The following NUP188 variants were observed in gnomAD, a reference collection of about 807,000 sequenced individuals.
NUP188 encodes the protein nucleoporin 188.
A neutral mutation model predicts 223.0 loss-of-function variants in NUP188; 97 were observed. The observed-to-expected ratio is 0.43, with a 90% CI of 0.37 to 0.51. The LOEUF is 0.51. NUP188 is among the 20% of genes least tolerant of loss of function. NUP188 has a pLI of 0.00. For missense variants in NUP188, 1,947 were observed against 2,175.6 expected (o/e 0.89, Z 2.09); for synonymous variants, 869 against 828.0 (o/e 1.05, Z -0.85).
At position 129,006,649 on chromosome 9, in the gene NUP188, C is replaced by T. The variant is rs1051556326; in HGVS notation, c.5221C>T (p.Gln1741Ter). Residue 1741 changes from glutamine to a stop codon, truncating the protein, a stop_gained, in exon 44 of 44, where the codon CAG becomes TAG. Coordinates refer to ENST00000372577, the MANE Select transcript of NUP188 (RefSeq NM_015354.3). LOFTEE classifies it high-confidence loss of function. ...TCAGGAGCCTCTGATCCAGTTGGTG[C>T]AGGCGTTTGTCCGGCATATGCAAAG... is the stretch of plus-strand genomic sequence containing the variant. ...ESQEPLIQLV[Q>*]AFVRHMQR The T allele has an allele frequency of 6.2e-7, 1 of 1,613,998 alleles. No individual in the cohort carries two copies. Among genetic ancestry groups the T allele is most frequent in the Non-Finnish European group, 8.5e-7 (1 of 1,180,008 alleles).
chr9:128,998,365 C>T (rs1360726881), intron 31 of NUP188, 137 bp downstream of exon 31: 1 of 1,000,712 alleles, frequency 1.0e-6, no homozygotes, highest in Non-Finnish European at 1.6e-6. Flanking sequence ...AGGCCTGAGA[C>T]TGTAGTGGGT....
intron 8 of NUP188, among the ~76,000 whole-genome samples, chr9:128,960,253 T>G (rs1358471215): frequency 1.3e-5 from 2 of 150,060 alleles, no homozygotes; most frequent in African/African-American, 5.0e-5. Context: ...GTTTTTTTTG[T>G]TTTTTGTTTT....
chr9:128,956,938 T>C lies in NUP188; in HGVS notation c.247-14T>C. On this transcript the variant is annotated splice_polypyrimidine_tract_variant and intron_variant, in intron 4 of 43. Transcript: ENST00000372577. Reference sequence around the variant, plus strand: ...TTTCTGAGCTGTTCCTTACTTAAAATCTCTGTGTTTCAGGGTCTTGATGAA... The same window carrying C: ...TTTCTGAGCTGTTCCTTACTTAAAACCTCTGTGTTTCAGGGTCTTGATGAA... 8 of 1,591,454 alleles carry C rather than the reference T, an allele frequency of 5.0e-6. No homozygotes were observed. Among genetic ancestry groups the C allele is most frequent in the Non-Finnish European group, 6.9e-6 (8 of 1,165,566 alleles).
At chr9:128,950,833 C>A (rs1365872173) in intron 2 of NUP188, among the ~76,000 whole-genome samples, 1 of 152,014 alleles carries the variant, frequency 6.6e-6, no homozygotes. Context: ...CTCAAAAAAG[C>A]AAAAAGCTTT....
intron 12 of NUP188, among the ~76,000 whole-genome samples, chr9:128,978,336 G>A (rs1842207246): frequency 6.6e-6 from 1 of 151,976 alleles, no homozygotes; most frequent in Non-Finnish European, 1.5e-5. Flanking sequence ...GGCTGAGGCG[G>A]GCGGATCACG....
In NUP188 at chr9:129,001,093, T is replaced by G. The variant is rs183860865; in HGVS notation, c.3844-436T>G. Among the ~76,000 whole-genome samples the G allele has an allele frequency of 7.9e-5, 12 of 152,212 alleles. No homozygotes were observed. The East Asian group carries it at 2.3e-3, about 29-fold the overall frequency. On this transcript the variant is annotated intron_variant, in intron 34 of 43. Coordinates refer to ENST00000372577, the MANE Select transcript of NUP188 (RefSeq NM_015354.3). ...GCCAAAAAGAAGGTTGAAAGGCCACTGGTACAAGGATAGATTAGAGAGGAT... is the reference window on the plus strand; with the variant it reads ...GCCAAAAAGAAGGTTGAAAGGCCACGGGTACAAGGATAGATTAGAGAGGAT...
intron 1 of NUP188, 52 bp downstream of exon 1, chr9:128,947,803 C>A (rs373763833): frequency 2.8e-4 from 375 of 1,342,052 alleles, no homozygotes; most frequent in African/African-American, 2.5e-3. Flanking sequence ...GGTGTCAAAG[C>A]CGAGCGGAAG....
intron 25 of NUP188, among the ~76,000 whole-genome samples, chr9:128,991,871 T>C (rs1277062591): frequency 6.6e-6 from 1 of 151,210 alleles, no homozygotes; most frequent in African/African-American, 2.4e-5. Flanking sequence ...ACTTTTGTTC[T>C]TGATAAAAGC....
chr9:128,964,799 G>A (rs759651839), intron 8 of NUP188, among the ~76,000 whole-genome samples: 9 of 150,380 alleles, frequency 6.0e-5, no homozygotes, highest in African/African-American at 2.2e-4. Context: ...TCTGCCTCCC[G>A]GGTTCAAGGG....
chr9:128,988,955 A>G (rs1285413007), intron 24 of NUP188, among the ~76,000 whole-genome samples: 1 of 151,860 alleles, frequency 6.6e-6, no homozygotes, highest in Non-Finnish European at 1.5e-5. Flanking sequence ...AGCTTTCGCT[A>G]TGTTGGCCAG....
At chr9:128,980,857 A>G in intron 14 of NUP188, 132 bp downstream of exon 14, 2 of 849,322 alleles carry the variant, frequency 2.4e-6, no homozygotes, top group Non-Finnish European at 3.6e-6. Flanking sequence ...AATGAAAGAT[A>G]CCAAAGATAG....
At chr9:129,002,366 G>A (rs907769854) in intron 36 of NUP188, among the ~76,000 whole-genome samples, 6 of 152,234 alleles carry the variant, frequency 3.9e-5, no homozygotes, top group African/African-American at 1.4e-4. Context: ...AAGGGAAGTG[G>A]GTGGTCTGGG....
At chr9:128,986,256 A>G (rs901676156) in intron 20 of NUP188, among the ~76,000 whole-genome samples, 1 of 152,156 alleles carries the variant, frequency 6.6e-6, no homozygotes, top group Non-Finnish European at 1.5e-5. Context: ...GTTCATCATC[A>G]GCAATCCTCT....
At position 128,957,988 on chromosome 9, in the gene NUP188, ACTGCT is replaced by A; in HGVS notation, c.328-18_328-14del. 1.9e-6 allele frequency: 3 copies of A among 1,605,560 alleles called. No homozygotes were observed. The highest frequency in any genetic ancestry group is 2.6e-6 in the Non-Finnish European group (3 of 1,175,238). ...GTTTTGCCTAAAAGATGGCCTCTTA[ACTGCT>A]CTGTTTTTCTTTTCAGACAGTACTG... On this transcript the variant is annotated splice_polypyrimidine_tract_variant and intron_variant, in intron 5 of 43. Coordinates refer to ENST00000372577, the MANE Select transcript of NUP188 (RefSeq NM_015354.3).
intron 7 of NUP188, 57 bp from the exon 8 acceptor site, chr9:128,958,958 T>A: frequency 1.1e-5 from 16 of 1,407,340 alleles, no homozygotes; most frequent in Non-Finnish European, 1.5e-5. Context: ...TTATTAATAT[T>A]TATTTGAATA....
intron 8 of NUP188, among the ~76,000 whole-genome samples, chr9:128,966,145 G>A (rs1309549083): frequency 6.7e-6 from 1 of 150,070 alleles, no homozygotes; most frequent in Non-Finnish European, 1.5e-5. Flanking sequence ...GTGTGTGTGT[G>A]TGTGTGTGTG....
rs374235927 is a variant in NUP188 at position 128,984,592 on chromosome 9, A to G, written c.1962-308A>G. 3.2e-4 allele frequency among the ~76,000 whole-genome samples: 48 copies of G among 152,180 alleles called. 1 individual carries two copies. Among genetic ancestry groups the G allele is most frequent in the East Asian group, 1.2e-3 (6 of 5,186 alleles). On this transcript the variant is annotated intron_variant, in intron 19 of 43. Coordinates refer to ENST00000372577, the MANE Select transcript of NUP188 (RefSeq NM_015354.3). ...ATTTCATGGGTTCTCGAGCTCAGCC[A>G]GTAGACCACTTACCAGTACACAGGC... is the stretch of plus-strand genomic sequence containing the variant.
chr9:129,003,053 G>A, intron 37 of NUP188, 78 bp downstream of exon 37: 1 of 1,505,502 alleles, frequency 6.6e-7, no homozygotes, highest in South Asian at 1.2e-5. Flanking sequence ...GCAGGTGGGT[G>A]TGGAGCCTGG....
intron 12 of NUP188, among the ~76,000 whole-genome samples, chr9:128,977,869 A>G (rs1031742000): frequency 3.3e-5 from 5 of 152,174 alleles, no homozygotes; most frequent in African/African-American, 9.7e-5. Context: ...ACTTACATTT[A>G]TGTGGCATTT....
Sources: gnomAD v4.1 joint callset for allele counts (sites outside exome capture counted in the v4.1 genomes callset) on GRCh38, gnomAD v4.1.1 for gene constraint, MANE v1.5 for transcripts, NCBI Gene and HGNC (gene_info 2026-07-23, HGNC 2026-07-21) for gene names.